PRKCA: variants seen among roughly 807,000 people sequenced by gnomAD.
PRKCA encodes protein kinase C alpha.
Under a neutral mutation model 87.0 loss-of-function variants are expected in PRKCA, and 27 were observed. The ratio of observed to expected loss-of-function variants is 0.31; its 90% CI spans 0.23 to 0.43. PRKCA has a LOEUF of 0.43. Among genes scored for constraint, PRKCA ranks in the 20% least tolerant of loss-of-function variants. The pLI is 1.00. For missense variants in PRKCA, 518 were observed against 852.3 expected, an observed-to-expected ratio of 0.61 and a Z score of 4.88; for synonymous variants, 329 against 311.1, an observed-to-expected ratio of 1.06 and a Z score of -0.61.
chr17:66,481,556 G>C (rs1300327387), intron 2 of PRKCA, among the ~76,000 whole-genome samples: 2 of 152,076 alleles, frequency 1.3e-5, no homozygotes, highest in Non-Finnish European at 2.9e-5. Flanking sequence ...CTCTCTCCTA[G>C]GCCTGTCTCT....
Position 66,763,723 on chromosome 17 carries a change from G to A in PRKCA, c.1525-10264G>A, listed in dbSNP as rs546440232. ...CTTGGGAAGAGGCTTTTGTGGCCAG[G>A]CCTTTTATTTAAGATTGGGCTCTAG... On this transcript the variant is annotated intron_variant, in intron 13 of 16. Transcript: ENST00000413366. 3.3e-5 allele frequency among the ~76,000 whole-genome samples: 5 copies of A among 152,274 alleles called. No individual in the cohort carries two copies. The East Asian group carries it at 7.7e-4, about 24-fold the overall frequency.
chr17:66,428,968 A>T (rs1912959976), intron 2 of PRKCA, among the ~76,000 whole-genome samples: 2 of 152,218 alleles, frequency 1.3e-5, no homozygotes, highest in African/African-American at 4.8e-5. Context: ...ACATGAAAGT[A>T]TTAGGTAAAG....
At chr17:66,676,475 G>A (rs980063166) in intron 5 of PRKCA, 5 of 152,318 alleles carry the variant, frequency 3.3e-5, no homozygotes, top group African/African-American at 2.4e-5. Flanking sequence ...CGACAGGTCA[G>A]CTTGCTTGTG....
intron 14 of PRKCA, among the ~76,000 whole-genome samples, chr17:66,786,043 T>G (rs1186745603): frequency 1.3e-5 from 2 of 152,148 alleles, no homozygotes; most frequent in Non-Finnish European, 2.9e-5. Context: ...TTAGCCAGGA[T>G]GGTCTCGATC....
At chr17:66,570,682 T>C (rs1969054265) in intron 3 of PRKCA, among the ~76,000 whole-genome samples, 1 of 152,212 alleles carries the variant, frequency 6.6e-6, no homozygotes, top group African/African-American at 2.4e-5. Flanking sequence ...TTGGCAGTTT[T>C]CCTATTAAAA....
At chr17:66,749,221 C>T (rs1017002517) in intron 13 of PRKCA, among the ~76,000 whole-genome samples, 1 of 152,114 alleles carries the variant, frequency 6.6e-6, no homozygotes, top group East Asian at 1.9e-4. Context: ...CCAAAGCCTT[C>T]ACAGGGGCCC....
Position 66,410,555 on chromosome 17 carries a change from A to G in PRKCA, c.206-85646A>G, listed in dbSNP as rs71379969. On this transcript the variant is annotated intron_variant, in intron 2 of 16. Transcript: ENST00000413366. ...ATAAATTTCCTTCCAATTCATTGAC[A>G]TTGTTAGGTAGTTGAACTTTTTGTT... is the stretch of plus-strand genomic sequence containing the variant. Among the ~76,000 whole-genome samples the G allele has an allele frequency of 7.4e-3, 1,126 of 152,186 alleles. 9 individuals carry two copies. The highest frequency in any genetic ancestry group is 0.027 in the Middle Eastern group (8 of 292).
chr17:66,731,149 G>A (rs186810822), intron 8 of PRKCA, among the ~76,000 whole-genome samples: 7 of 152,146 alleles, frequency 4.6e-5, no homozygotes, highest in African/African-American at 1.2e-4. Flanking sequence ...TCAGGAGTTC[G>A]AGACCAGGCT....
At chr17:66,701,947 C>G (rs9905468) in intron 8 of PRKCA, among the ~76,000 whole-genome samples, 23,088 of 152,048 alleles carry the variant, frequency 0.15, 1,891 homozygotes, top group East Asian at 0.28. Flanking sequence ...TACGATCCAG[C>G]AGTCCTGATT....
chr17:66,453,733 C>A (rs1914445586), intron 2 of PRKCA, among the ~76,000 whole-genome samples: 1 of 152,138 alleles, frequency 6.6e-6, no homozygotes, highest in African/African-American at 2.4e-5. Context: ...AGTAGGGCTT[C>A]CTGGGACTCT....
chr17:66,303,109 G>A (rs1444235804), intron 1 of PRKCA, 85 bp downstream of exon 1: 2 of 1,529,408 alleles, frequency 1.3e-6, no homozygotes, highest in East Asian at 2.5e-5. Context: ...CCGCCCCGGG[G>A]CTGGCTCACT....
At chr17:66,387,191 A>C (rs1224717048) in intron 2 of PRKCA, among the ~76,000 whole-genome samples, 1 of 152,240 alleles carries the variant, frequency 6.6e-6, no homozygotes, top group East Asian at 1.9e-4. Context: ...TTCACTGGGT[A>C]GGGCTAGAGG....
At chr17:66,303,174 G>A in intron 1 of PRKCA, 150 bp downstream of exon 1, 3 of 1,096,426 alleles carry the variant, frequency 2.7e-6, no homozygotes, top group African/African-American at 1.7e-5. Context: ...TGACACGCGC[G>A]CCCGGCCCTG....
chr17:66,803,778 C>T lies in PRKCA; in HGVS notation c.1855-95C>T, dbSNP rs1598020810. 2.8e-5 allele frequency: 43 copies of T among 1,530,468 alleles called. No homozygotes were observed. The East Asian group carries it at 5.5e-4, about 19-fold the overall frequency. The allele number at this position is 1,530,468 out of a possible 1,614,324, so 94.8% of individuals were successfully genotyped here. On this transcript the variant is annotated intron_variant, in intron 16 of 16. Coordinates refer to ENST00000413366, the MANE Select transcript of PRKCA (RefSeq NM_002737.3). This position sits in a 1 kb window ranked among gnomAD's most constrained non-coding sequence, Gnocchi z 4.4. ...TCCTCCTAACCAGCCCGGAGTTCCC[C>T]AGGGCCGTGCCCCTCCCCAGAGAGG...
At chr17:66,659,642 A>G (rs1971835865) in intron 5 of PRKCA, among the ~76,000 whole-genome samples, 1 of 152,176 alleles carries the variant, frequency 6.6e-6, no homozygotes, top group South Asian at 2.1e-4. Context: ...CCAACTACTC[A>G]GGAGGCTGAT....
At chr17:66,524,600 A>T (rs1967280134) in intron 3 of PRKCA, among the ~76,000 whole-genome samples, 1 of 152,120 alleles carries the variant, frequency 6.6e-6, no homozygotes, top group Non-Finnish European at 1.5e-5. Flanking sequence ...CACCTAGGAG[A>T]TGTCTATTCT....
At chr17:66,451,772 C>T (rs1032289933) in intron 2 of PRKCA, among the ~76,000 whole-genome samples, 11 of 152,198 alleles carry the variant, frequency 7.2e-5, no homozygotes, top group South Asian at 6.2e-4. Flanking sequence ...CAGCACTGCC[C>T]GCCAGCCACA....
intron 2 of PRKCA, among the ~76,000 whole-genome samples, chr17:66,447,548 G>A (rs951263233): frequency 2.0e-5 from 3 of 152,184 alleles, no homozygotes; most frequent in African/African-American, 7.2e-5. Flanking sequence ...CTGGGGGAGT[G>A]AGTTGTTAAA....
At chr17:66,646,719 T>C (rs1659682117) in intron 5 of PRKCA, among the ~76,000 whole-genome samples, 1 of 152,176 alleles carries the variant, frequency 6.6e-6, no homozygotes, top group Non-Finnish European at 1.5e-5. Flanking sequence ...TCCTCAGGTT[T>C]TTCCTTTGAA....
Sources: allele counts gnomAD v4.1 joint callset (sites outside exome capture counted in the v4.1 genomes callset), GRCh38; gene constraint gnomAD v4.1.1; non-coding constraint Gnocchi (gnomAD v3.1); transcripts MANE v1.5; gene names NCBI Gene and HGNC (gene_info 2026-07-23, HGNC 2026-07-21).